The following MGAT4C variants were observed in gnomAD, a reference collection of about 807,000 sequenced individuals.
MGAT4C encodes alpha-1,3-mannosyl-glycoprotein 4-beta-N-acetylglucosaminyltransferase C.
A neutral mutation model predicts 40.1 loss-of-function variants in MGAT4C; 19 were observed. The observed-to-expected ratio is 0.47, with a 90% CI of 0.33 to 0.70. MGAT4C has a LOEUF of 0.70. Ranked by LOEUF, MGAT4C falls within the 30% of genes least tolerant of loss-of-function variation. The pLI, the probability that MGAT4C is intolerant of heterozygous loss-of-function variation, is 0.02. For synonymous variants in MGAT4C, 181 were observed against 187.1 expected (o/e 0.97, Z 0.27); for missense variants, 491 against 563.2 (o/e 0.87, Z 1.30).
intron 1 of MGAT4C, among the ~76,000 whole-genome samples, chr12:86,175,799 A>AAAAC (rs1887360935): frequency 9.2e-6 from 1 of 108,398 alleles, no homozygotes; most frequent in Non-Finnish European, 2.1e-5. Flanking sequence ...AAAATACAAA[A>AAAAC]AAAAAAAAAA....
chr12:86,078,623 C>T (rs1037627823), intron 1 of MGAT4C, among the ~76,000 whole-genome samples: 2 of 152,148 alleles, frequency 1.3e-5, no homozygotes, highest in African/African-American at 4.8e-5. Context: ...CAGTGTTGGT[C>T]GCTGCTGCTG....
In MGAT4C at chr12:86,230,807, G is replaced by C. The variant is rs138693070; in HGVS notation, c.-57+25432C>G. 5.7e-3 allele frequency among the ~76,000 whole-genome samples: 870 copies of C among 151,444 alleles called. 6 individuals carry two copies. Among genetic ancestry groups the C allele is most frequent in the Non-Finnish European group, 8.2e-3 (558 of 67,896 alleles). On this transcript the variant is annotated intron_variant, in intron 1 of 4. Transcript: ENST00000611864. ...ACATTTTGAATAATGTGTTTCCCCA[G>C]ATTTGTAGCAAGGATGACTCTGGAA...
chr12:86,608,265 A>G (rs1201783214), intron 2 of MGAT4C, among the ~76,000 whole-genome samples: 2 of 152,108 alleles, frequency 1.3e-5, no homozygotes, highest in Non-Finnish European at 2.9e-5. Context: ...TCTCCACAAA[A>G]TATCTTATAT....
intron 1 of MGAT4C, among the ~76,000 whole-genome samples, chr12:86,097,223 T>G (rs2135586348): frequency 6.6e-6 from 1 of 151,776 alleles, no homozygotes; most frequent in Admixed American, 6.6e-5. Flanking sequence ...GTGTTGTAGC[T>G]TATTGTGAAT....
In MGAT4C at chr12:86,033,709, T is replaced by A. The variant is rs138565576; in HGVS notation, c.-7+15965A>T. On this transcript the variant is annotated intron_variant, in intron 2 of 4. Transcript: ENST00000611864. Reference sequence around the variant, plus strand: ...CATATTCTCTGCAAAAACGGATCGTTTGACTTCCTCTCTTTCAATTACTAT... The same window carrying A: ...CATATTCTCTGCAAAAACGGATCGTATGACTTCCTCTCTTTCAATTACTAT... Among the ~76,000 whole-genome samples the A allele has an allele frequency of 1.8e-3, 270 of 149,702 alleles. 5 individuals carry two copies. The highest frequency in any genetic ancestry group is 6.2e-3 in the African/African-American group (255 of 41,338).
At chr12:86,202,758 T>C (rs1420004864) in intron 1 of MGAT4C, among the ~76,000 whole-genome samples, 4 of 152,160 alleles carry the variant, frequency 2.6e-5, no homozygotes, top group African/African-American at 9.6e-5. Flanking sequence ...TTTTCTTTAC[T>C]GTCTAATAAG....
At chr12:86,063,063 C>T (rs907064607) in intron 1 of MGAT4C, among the ~76,000 whole-genome samples, 8 of 152,028 alleles carry the variant, frequency 5.3e-5, no homozygotes, top group African/African-American at 1.4e-4. Context: ...AACCCCAAGA[C>T]ACATAATTGT....
chr12:86,221,463 T>C (rs549682145), intron 1 of MGAT4C, among the ~76,000 whole-genome samples: 3 of 152,298 alleles, frequency 2.0e-5, no homozygotes, highest in African/African-American at 7.2e-5. Flanking sequence ...GAGAGTAGCA[T>C]CATGCCCAAG....
rs1566009264 is a variant in MGAT4C, at chr12:86,814,342, ATATATATACATATACGTATATATATACG to A, written c.-262+24296_-262+24323del. The stretch of plus-strand genomic sequence containing the variant: ...TATATACATATACGTATATATATAC[ATATATATACATATACGTATATATATACG>A]TATATATACATATACGTATATATAT... On this transcript the variant is annotated intron_variant, in intron 1 of 7. Transcript: ENST00000548651. Among the ~76,000 whole-genome samples the A allele has an allele frequency of 5.0e-3, 10 of 2,010 alleles. 2 individuals are homozygous for A. The highest frequency in any genetic ancestry group is 6.2e-3 in the Non-Finnish European group (9 of 1,442). 1.3% of individuals were successfully genotyped at this position (2,010 alleles called of 152,430 possible).
intron 1 of MGAT4C, among the ~76,000 whole-genome samples, chr12:86,822,491 G>GA (rs1037663969): frequency 6.6e-6 from 1 of 150,850 alleles, no homozygotes; most frequent in African/African-American, 2.4e-5. Flanking sequence ...GTAAGTGGAT[G>GA]AAAAAAAGAT....
intron 2 of MGAT4C, among the ~76,000 whole-genome samples, chr12:86,006,118 T>G (rs1477582115): frequency 6.6e-6 from 1 of 152,176 alleles, no homozygotes; most frequent in East Asian, 1.9e-4. Flanking sequence ...TGTAACAGAT[T>G]ATGTATGGAC....
chr12:86,100,184 G>T (rs1874716794), intron 1 of MGAT4C, among the ~76,000 whole-genome samples: 2 of 151,338 alleles, frequency 1.3e-5, no homozygotes, highest in Admixed American at 6.6e-5. Context: ...CTTAATCAGA[G>T]AATTAATTCA....
chr12:86,014,135 C>A (rs959946136), intron 2 of MGAT4C, among the ~76,000 whole-genome samples: 2 of 152,114 alleles, frequency 1.3e-5, no homozygotes, highest in East Asian at 3.9e-4. Context: ...ACATGCCAAA[C>A]CCTCTTTTCC....
chr12:86,698,045 T>C (rs1219478639), intron 2 of MGAT4C, among the ~76,000 whole-genome samples: 1 of 152,092 alleles, frequency 6.6e-6, no homozygotes, highest in Non-Finnish European at 1.5e-5. Flanking sequence ...CATGTGGCAA[T>C]AATGCGAAAA....
chr12:86,550,349 A>G (rs1004188161), intron 2 of MGAT4C, among the ~76,000 whole-genome samples: 1 of 152,188 alleles, frequency 6.6e-6, no homozygotes, highest in African/African-American at 2.4e-5. Context: ...TACAGTCTGT[A>G]CTATAGGGAA....
At chr12:86,448,704 G>C (rs993819727) in intron 2 of MGAT4C, among the ~76,000 whole-genome samples, 1 of 152,120 alleles carries the variant, frequency 6.6e-6, no homozygotes, top group Admixed American at 6.6e-5. Context: ...TTTCTTCTAA[G>C]ATTGACAAAG....
rs1954848589 is a variant in MGAT4C, at chr12:86,338,982, ACAGAGAG to A, written c.-119-4862_-119-4856del. Among the ~76,000 whole-genome samples, 339 of 146,780 alleles carry A rather than the reference ACAGAGAG, an allele frequency of 2.3e-3. 3 individuals are homozygous for A. Among genetic ancestry groups the A allele is most frequent in the African/African-American group, 7.5e-3 (292 of 38,984 alleles). ...TCAAAAAAAAAAAAAAAAAAAAAAA[ACAGAGAG>A]AAAGAGAGAAAGAGCTAATATTTAT... is the stretch of plus-strand genomic sequence containing the variant. On this transcript the variant is annotated intron_variant, in intron 3 of 7. Coordinates refer to the MGAT4C transcript ENST00000548651.
chr12:86,774,350 TCTCCCC>T lies in MGAT4C; in HGVS notation c.-261-47115_-261-47110del, dbSNP rs1565981753. On this transcript the variant is annotated intron_variant, in intron 1 of 7. Coordinates refer to the MGAT4C transcript ENST00000548651. ...TTCTTTCTTTCTTTCTGTCTCTCTC[TCTCCCC>T]TCTCTCTCTCTCTCTTTCTGTCTGT... is the stretch of plus-strand genomic sequence containing the variant. 1.2e-3 allele frequency among the ~76,000 whole-genome samples: 104 copies of T among 84,278 alleles called. 2 individuals carry two copies. Among genetic ancestry groups the T allele is most frequent in the Middle Eastern group, 5.2e-3 (1 of 192 alleles). 55.3% of individuals were successfully genotyped at this position (84,278 alleles called of 152,430 possible).
chr12:86,264,314 G>A (rs2136099676), intron 4 of MGAT4C, among the ~76,000 whole-genome samples: 1 of 152,252 alleles, frequency 6.6e-6, no homozygotes, highest in African/African-American at 2.4e-5. Flanking sequence ...CAAGTCTTAT[G>A]TTTATGTCTT....
Sources: gnomAD v4.1 joint callset for allele counts (sites outside exome capture counted in the v4.1 genomes callset) on GRCh38, gnomAD v4.1.1 for gene constraint, MANE v1.5 for transcripts, NCBI Gene and HGNC (gene_info 2026-07-23, HGNC 2026-07-21) for gene names.